Variants in SLCO2A1 observed in about 807,000 individuals in gnomAD.
SLCO2A1 encodes the protein matrin F/G 1.
A neutral mutation model predicts 71.7 loss-of-function variants in SLCO2A1; 60 were observed. The observed-to-expected ratio is 0.84, with a 90% CI of 0.68 to 1.04. The LOEUF (loss-of-function observed/expected upper bound fraction) is 1.04. SLCO2A1 is among the 50% of genes least tolerant of loss of function. SLCO2A1 has a pLI of 0.00. For synonymous variants in SLCO2A1, 308 were observed against 326.7 expected (o/e 0.94, Z 0.62); for missense variants, 745 against 813.4 (o/e 0.92, Z 1.02).
intron 8 of SLCO2A1, among the ~76,000 whole-genome samples, chr3:133,948,133 A>G (rs530856203): frequency 1.4e-4 from 21 of 152,242 alleles, no homozygotes; most frequent in African/African-American, 4.8e-4. Flanking sequence ...TGGACCATAT[A>G]TTGTCTAACC....
chr3:133,957,488 C>A (rs1933925564), intron 3 of SLCO2A1, among the ~76,000 whole-genome samples: 2 of 152,156 alleles, frequency 1.3e-5, no homozygotes, highest in South Asian at 4.1e-4. Flanking sequence ...GGGATCCGAA[C>A]CTGCATGTGT....
intron 1 of SLCO2A1, among the ~76,000 whole-genome samples, chr3:134,023,084 T>G (rs1935623026): frequency 6.6e-6 from 1 of 152,080 alleles, no homozygotes; most frequent in Non-Finnish European, 1.5e-5. Flanking sequence ...GGACCCTACC[T>G]TGTGCTGCTA....
Position 133,933,797 on chromosome 3 carries a change from C to T in SLCO2A1, c.*916G>A, listed in dbSNP as rs891776480. On this transcript the variant is annotated 3_prime_UTR_variant, in exon 14 of 14. Transcript: ENST00000310926. ...CAGGGAAGTGCATGTGAAGCCACCT[C>T]ATCTGCTGCCAGGGAGATGTGGGAG... 2.0e-5 allele frequency: 3 copies of T among 152,260 alleles called. No homozygotes were observed. The highest frequency in any genetic ancestry group is 4.8e-5 in the African/African-American group (2 of 41,462). The allele number at this position is 152,260 out of a possible 1,614,324, so 9.4% of individuals were successfully genotyped here.
chr3:133,988,056 C>G (rs1216799944), intron 1 of SLCO2A1, among the ~76,000 whole-genome samples: 1 of 152,228 alleles, frequency 6.6e-6, no homozygotes, highest in Non-Finnish European at 1.5e-5. Flanking sequence ...TATTCCCCCT[C>G]ACTGCCCCAA....
chr3:133,962,674 G>A (rs1934067035), intron 3 of SLCO2A1, among the ~76,000 whole-genome samples: 1 of 152,156 alleles, frequency 6.6e-6, no homozygotes, highest in African/African-American at 2.4e-5. Flanking sequence ...GCACACATTA[G>A]GAAGAAACAG....
chr3:133,938,160 C>T (rs557623267), intron 12 of SLCO2A1, among the ~76,000 whole-genome samples: 1 of 152,334 alleles, frequency 6.6e-6, no homozygotes, highest in East Asian at 1.9e-4. Flanking sequence ...CTGCCTTTAA[C>T]ACTCTATTAG....
chr3:133,946,629 C>G (rs1429470152), intron 9 of SLCO2A1, among the ~76,000 whole-genome samples: 1 of 152,226 alleles, frequency 6.6e-6, no homozygotes, highest in Non-Finnish European at 1.5e-5. Flanking sequence ...CTAAACATAG[C>G]TTATTTCCTG....
chr3:134,020,010 G>T (rs1308368283), intron 1 of SLCO2A1, among the ~76,000 whole-genome samples: 1 of 152,084 alleles, frequency 6.6e-6, no homozygotes, highest in Non-Finnish European at 1.5e-5. Context: ...GGTCGTTAAA[G>T]ATCGACCCCT....
chr3:133,977,196 G>A (rs1013878865), intron 2 of SLCO2A1, among the ~76,000 whole-genome samples: 1 of 152,216 alleles, frequency 6.6e-6, no homozygotes, highest in African/African-American at 2.4e-5. Context: ...GGGTTATAAG[G>A]TCAGAGGAGT....
intron 1 of SLCO2A1, among the ~76,000 whole-genome samples, chr3:134,005,560 C>T (rs574960328): frequency 2.0e-5 from 3 of 149,222 alleles, no homozygotes; most frequent in South Asian, 4.2e-4. Context: ...CGGCTCACTG[C>T]AACCTCCGCT....
At chr3:134,017,935 C>A (rs1278198316) in intron 1 of SLCO2A1, among the ~76,000 whole-genome samples, 1 of 152,168 alleles carries the variant, frequency 6.6e-6, no homozygotes, top group Non-Finnish European at 1.5e-5. Flanking sequence ...GTCACTGTCA[C>A]AACAAAAGAC....
intron 1 of SLCO2A1, among the ~76,000 whole-genome samples, chr3:134,019,244 A>T (rs1353352582): frequency 6.6e-6 from 1 of 152,202 alleles, no homozygotes; most frequent in Admixed American, 6.5e-5. Flanking sequence ...GAACAATTTC[A>T]CAATGCCTTG....
rs181624857 is a variant in SLCO2A1 at position 133,967,087 on chromosome 3, C to G, written c.397+6576G>C. Among the ~76,000 whole-genome samples, 630 of 152,312 alleles carry G rather than the reference C, an allele frequency of 4.1e-3. 9 individuals are homozygous for G. The highest frequency in any genetic ancestry group is 4.2e-3 in the Non-Finnish European group (288 of 68,024). On this transcript the variant is annotated intron_variant, in intron 3 of 13. Transcript: ENST00000310926. Reference sequence around the variant, plus strand: ...CAGGTGGGCCCAAGACACAGTCTGCCAGCCTTCCTGGAGAAGCGACTCTCA... The same window carrying G: ...CAGGTGGGCCCAAGACACAGTCTGCGAGCCTTCCTGGAGAAGCGACTCTCA...
chr3:134,014,525 T>A (rs181037810), intron 1 of SLCO2A1, among the ~76,000 whole-genome samples: 1 of 152,330 alleles, frequency 6.6e-6, no homozygotes, highest in East Asian at 1.9e-4. Flanking sequence ...CTGAAAGGGC[T>A]GGGGATTACT....
At chr3:133,970,653 C>G (rs1034134704) in intron 3 of SLCO2A1, among the ~76,000 whole-genome samples, 1 of 152,260 alleles carries the variant, frequency 6.6e-6, no homozygotes, top group African/African-American at 2.4e-5. Flanking sequence ...ATCCCACCCC[C>G]TGGCACCAGG....
At chr3:133,947,597 G>A in intron 8 of SLCO2A1, 152 bp from the exon 9 acceptor site, 1 of 656,898 alleles carries the variant, frequency 1.5e-6, no homozygotes, top group South Asian at 2.3e-5. Flanking sequence ...GACATTAATT[G>A]AGCATTTACT....
Position 133,955,158 on chromosome 3 carries a change from T to A in SLCO2A1, c.433A>T (p.Lys145Ter). ...NSRLQAELCQ[K>*]HWQDLPPSKC... is the part of the protein sequence containing the mutation. ...CTGGGAGGCAGGTCCTGCCAATGCTTCTGGCAGAGCTCGGCCTGCAAGCGG... is the reference window on the plus strand; with the variant it reads ...CTGGGAGGCAGGTCCTGCCAATGCTACTGGCAGAGCTCGGCCTGCAAGCGG... The change falls in exon 4 of 14, where the codon AAG becomes TAG. Residue 145 changes from lysine (K) to a stop codon, truncating the protein, a stop_gained. Coordinates refer to ENST00000310926, the MANE Select transcript of SLCO2A1 (RefSeq NM_005630.3). LOFTEE classifies it high-confidence loss of function. The A allele has an allele frequency of 2.5e-6, 4 of 1,614,062 alleles. No individual in the cohort carries two copies. Among genetic ancestry groups the A allele is most frequent in the Non-Finnish European group, 3.4e-6 (4 of 1,180,008 alleles).
intron 1 of SLCO2A1, among the ~76,000 whole-genome samples, chr3:134,010,214 C>T (rs1403369210): frequency 2.6e-5 from 4 of 152,154 alleles, no homozygotes; most frequent in Non-Finnish European, 5.9e-5. Context: ...TGTGTTGGTG[C>T]TAAGGGTGGT....
chr3:133,962,874 C>T lies in SLCO2A1; in HGVS notation c.398-7681G>A, dbSNP rs1288125748. Among the ~76,000 whole-genome samples, 3 of 152,216 alleles carry T rather than the reference C, an allele frequency of 2.0e-5. No individual in the cohort carries two copies. In the East Asian group the frequency reaches 5.8e-4, roughly 29 times the overall value. On this transcript the variant is annotated intron_variant, in intron 3 of 13. Coordinates refer to ENST00000310926, the MANE Select transcript of SLCO2A1 (RefSeq NM_005630.3). Reference sequence around the variant, plus strand: ...CCTCCAGAGACTGCCTGCCCAAACACAGCCACCTGCCCCTATCTTGGAGGG... The same window carrying T: ...CCTCCAGAGACTGCCTGCCCAAACATAGCCACCTGCCCCTATCTTGGAGGG...
Sources: gnomAD v4.1 joint callset for allele counts (sites outside exome capture counted in the v4.1 genomes callset) on GRCh38, gnomAD v4.1.1 for gene constraint, MANE v1.5 for transcripts, NCBI Gene and HGNC (gene_info 2026-07-23, HGNC 2026-07-21) for gene names.